Variants in MGAT5B observed in about 807,000 individuals in gnomAD.
MGAT5B encodes N-acetylglucosaminyl-transferase Vb.
In MGAT5B, 54 loss-of-function variants were observed where a neutral mutation model predicts 95.1. The observed-to-expected ratio is 0.57, with a 90% CI of 0.46 to 0.71. The LOEUF is 0.71. MGAT5B is among the 30% of genes least tolerant of loss of function. The pLI is 0.00. For missense variants in MGAT5B, 935 were observed against 1,088.6 expected (o/e 0.86, Z 1.99); for synonymous variants, 464 against 451.0 (o/e 1.03, Z -0.36).
rs1422359847 is a variant in MGAT5B at position 76,869,341 on chromosome 17, G to A, written c.68+244G>A. ...GGCAGGGTTGGAGAGGACTCGGGGT[G>A]CAGAGGTAAGAATGGGGGCAGAAAA... is the stretch of plus-strand genomic sequence containing the variant. On this transcript the variant is annotated intron_variant, in intron 1 of 17. Transcript: ENST00000569840. This position sits in a 1 kb window ranked among gnomAD's most constrained non-coding sequence, Gnocchi z 7.0. Among the ~76,000 whole-genome samples the A allele has an allele frequency of 6.6e-6, 1 of 152,040 alleles. No homozygotes were observed. Among genetic ancestry groups the A allele is most frequent in the South Asian group, 2.1e-4 (1 of 4,826 alleles).
chr17:76,883,210 G>A (rs1446169131), intron 3 of MGAT5B, among the ~76,000 whole-genome samples: 1 of 151,974 alleles, frequency 6.6e-6, no homozygotes, highest in Non-Finnish European at 1.5e-5. Context: ...ATGTTGGCCA[G>A]GCTGGTCTCG....
At chr17:76,946,149 T>G (rs1005826091) in intron 15 of MGAT5B, 1 of 481,492 alleles carries the variant, frequency 2.1e-6, no homozygotes, top group Middle Eastern at 5.2e-4. Flanking sequence ...GGGATGAGGC[T>G]GGGCCTTGTG....
Position 76,868,427 on chromosome 17 carries a change from C to T in MGAT5B, c.-603C>T, listed in dbSNP as rs903364272. ...CCGCTCGGCCGCCTCCTCCGAGGAA[C>T]AATGCGGCGCCTCCGGGCGTAGCGT... On this transcript the variant is annotated 5_prime_UTR_variant, in exon 1 of 18. Transcript: ENST00000569840. This position sits in a 1 kb window ranked among gnomAD's most constrained non-coding sequence, Gnocchi z 6.3. 1.3e-5 allele frequency: 2 copies of T among 151,098 alleles called. No individual in the cohort carries two copies. The highest frequency in any genetic ancestry group is 4.8e-5 in the African/African-American group (2 of 41,318). The allele number at this position is 151,098 out of a possible 1,614,324, so 9.4% of individuals were successfully genotyped here. A position where few individuals can be genotyped will look rare whatever the true frequency, so the allele number is the denominator to read the frequency against.
At chr17:76,936,968 AC>A (rs1294196138) in intron 12 of MGAT5B, among the ~76,000 whole-genome samples, 1 of 150,940 alleles carries the variant, frequency 6.6e-6, no homozygotes, top group Non-Finnish European at 1.5e-5. Context: ...ATCAATTTCT[AC>A]AAAAAAGTAC....
At chr17:76,902,279 CACATGCAGTTGTGGGCACA>C (rs59969229) in intron 3 of MGAT5B, among the ~76,000 whole-genome samples, 20,321 of 152,082 alleles carry the variant, frequency 0.13, 1,753 homozygotes, top group African/African-American at 0.22. Context: ...GATATGATCA[CACATGCAGTTGTGGGCACA>C]ACATGCAGTT....
At chr17:76,895,073 T>G (rs1968017830) in intron 3 of MGAT5B, among the ~76,000 whole-genome samples, 1 of 152,042 alleles carries the variant, frequency 6.6e-6, no homozygotes, top group Non-Finnish European at 1.5e-5. Flanking sequence ...TTACGGCTGC[T>G]CCTCATCGCT....
At position 76,918,121 on chromosome 17, in the gene MGAT5B, G is replaced by A. The variant is rs1039216463; in HGVS notation, c.1026-6845G>A. Among the ~76,000 whole-genome samples, 10 of 152,184 alleles carry A rather than the reference G, an allele frequency of 6.6e-5. No homozygotes were observed. Among genetic ancestry groups the A allele is most frequent in the African/African-American group, 2.4e-4 (10 of 41,432 alleles). The stretch of plus-strand genomic sequence containing the variant: ...AAGAAAGTGCCAGCTTTGGACGCCA[G>A]CCCCACTTTGGGTCTGCAGTGTTGA... On this transcript the variant is annotated intron_variant, in intron 8 of 17. Transcript: ENST00000569840. This position sits in a 1 kb window ranked among gnomAD's most constrained non-coding sequence, Gnocchi z 5.1.
At chr17:76,919,726 G>A (rs149265198) in intron 8 of MGAT5B, among the ~76,000 whole-genome samples, 37 of 152,274 alleles carry the variant, frequency 2.4e-4, no homozygotes, top group African/African-American at 8.2e-4. Flanking sequence ...CCGCTGTGCC[G>A]GGCTGGCTTT....
chr17:76,912,600 G>C lies in MGAT5B; in HGVS notation c.1025+6413G>C, dbSNP rs558818145. ...ACTGATGGAGCAACAAGGCTGGACG[G>C]ATGAGCCGGTCCCGCTCTGCTCCTC... On this transcript the variant is annotated intron_variant, in intron 8 of 17. Transcript: ENST00000569840. This position sits in a 1 kb window ranked among gnomAD's most constrained non-coding sequence, Gnocchi z 5.0. Among the ~76,000 whole-genome samples, 7 of 152,216 alleles carry C rather than the reference G, an allele frequency of 4.6e-5. No individual in the cohort carries two copies. The South Asian group carries it at 1.5e-3, about 32-fold the overall frequency.
At chr17:76,883,908 A>G (rs1967524840) in intron 3 of MGAT5B, among the ~76,000 whole-genome samples, 1 of 152,220 alleles carries the variant, frequency 6.6e-6, no homozygotes, top group African/African-American at 2.4e-5. Flanking sequence ...CCTGAAACAC[A>G]GTGCGCCCAT....
intron 8 of MGAT5B, among the ~76,000 whole-genome samples, chr17:76,908,824 TGA>T (rs398120031): frequency 8.6e-5 from 10 of 116,112 alleles, no homozygotes; most frequent in East Asian, 2.4e-4. Flanking sequence ...TTTTTTTTTT[TGA>T]GATGGAGTCT....
rs1433787489 is a variant in MGAT5B at position 76,948,853 on chromosome 17, C to T, written c.*15C>T. The T allele has an allele frequency of 1.3e-6, 2 of 1,562,990 alleles. No homozygotes were observed. The highest frequency in any genetic ancestry group is 1.7e-6 in the Non-Finnish European group (2 of 1,155,702). On this transcript the variant is annotated 3_prime_UTR_variant, in exon 18 of 18. Transcript: ENST00000569840. ...GCTGTCTGTGAATCCGCCTCTGCCG[C>T]CCTGCCTGGCACCCACGCTGGCTCT...
rs1369640306 is a variant in MGAT5B at position 76,947,850 on chromosome 17, C to T, written c.1944C>T (p.Asp648=). The change falls in exon 17 of 18, where the codon GAC becomes GAT. Residue 648 remains aspartate (D), a synonymous_variant. Transcript: ENST00000569840. ...TGCAGGACTTCTGCAGAGCTCCAGA[C>T]CCTGCCCTACCAGAGGCCCACGCCC... The part of the protein sequence containing the change: ...IQHQDFCRAP[D]PALPEAHAPQ... 5 of 1,585,680 alleles carry T rather than the reference C, an allele frequency of 3.2e-6. No individual in the cohort carries two copies. Among genetic ancestry groups the T allele is most frequent in the Admixed American group, 1.8e-5 (1 of 56,740 alleles).
chr17:76,872,615 A>C, intron 1 of MGAT5B: 2 of 1,444,226 alleles, frequency 1.4e-6, no homozygotes, highest in African/African-American at 1.4e-5. Flanking sequence ...AGTGTGCGTC[A>C]TTCTGCCTTG....
chr17:76,926,039 G>C (rs556319980), intron 9 of MGAT5B, among the ~76,000 whole-genome samples: 1 of 152,264 alleles, frequency 6.6e-6, no homozygotes, highest in East Asian at 1.9e-4. Flanking sequence ...CAGAGCCTCT[G>C]CCCAGCTGCA....
At chr17:76,939,373 G>T (rs974359972) in intron 13 of MGAT5B, among the ~76,000 whole-genome samples, 1 of 151,906 alleles carries the variant, frequency 6.6e-6, no homozygotes, top group Non-Finnish European at 1.5e-5. Context: ...AATCAGCTGG[G>T]TGTGGTGGCG....
rs776718727 is a variant in MGAT5B at position 76,882,219 on chromosome 17, C to G, written c.250C>G (p.Arg84Gly). ...CGACCTGCTGGAGCTGATGGTGAAG[C>G]GCATGGACGCACTGGCCAGGCTGGA... is the stretch of plus-strand genomic sequence containing the variant. ...MSDLLELMVK[R>G]MDALARLENS... Residue 84 changes from arginine to glycine, a missense_variant, in exon 3 of 18, where the codon CGC becomes GGC. Physicochemically the swap from Arg to Gly is moderately radical, Grantham distance 125. Transcript: ENST00000569840. 6.2e-7 allele frequency: 1 copy of G among 1,613,686 alleles called. No homozygotes were observed. The highest frequency in any genetic ancestry group is 8.5e-7 in the Non-Finnish European group (1 of 1,179,930).
intron 3 of MGAT5B, among the ~76,000 whole-genome samples, chr17:76,887,181 C>T (rs1392506362): frequency 1.3e-5 from 2 of 152,166 alleles, no homozygotes; most frequent in African/African-American, 2.4e-5. Context: ...AACACTCAGA[C>T]GTGGGGTCTC....
At chr17:76,881,208 A>G (rs1967399954) in intron 2 of MGAT5B, among the ~76,000 whole-genome samples, 2 of 152,202 alleles carry the variant, frequency 1.3e-5, no homozygotes, top group Non-Finnish European at 2.9e-5. Context: ...GAATGATTAG[A>G]AAGGAAGCCG....
Sources: allele counts gnomAD v4.1 joint callset (sites outside exome capture counted in the v4.1 genomes callset), GRCh38; gene constraint gnomAD v4.1.1; non-coding constraint Gnocchi (gnomAD v3.1); transcripts MANE v1.5; gene names NCBI Gene and HGNC (gene_info 2026-07-23, HGNC 2026-07-21).